The following ATRN variants were observed in gnomAD, a reference collection of about 807,000 sequenced individuals.
ATRN encodes attractin.
A neutral mutation model predicts 178.7 loss-of-function variants in ATRN; 54 were observed. The ratio of observed to expected loss-of-function variants is 0.30; its 90% CI spans 0.24 to 0.38. The LOEUF is 0.38. Among genes scored for constraint, ATRN ranks in the 10% least tolerant of loss-of-function variants. The pLI, the probability that ATRN is intolerant of heterozygous loss-of-function variation, is 1.00. For synonymous variants in ATRN, 636 were observed against 663.0 expected (o/e 0.96, Z 0.63); for missense variants, 1,443 against 1,815.1 (o/e 0.79, Z 3.73).
At chr20:3,621,217 A>T (rs1026657005) in intron 24 of ATRN, among the ~76,000 whole-genome samples, 1 of 152,146 alleles carries the variant, frequency 6.6e-6, no homozygotes, top group Non-Finnish European at 1.5e-5. Flanking sequence ...GGAGGCAGTG[A>T]TGTGCTGAGC....
chr20:3,502,955 T>C (rs2084984771), intron 1 of ATRN, among the ~76,000 whole-genome samples: 1 of 152,138 alleles, frequency 6.6e-6, no homozygotes, highest in African/African-American at 2.4e-5. Flanking sequence ...GAAGACCTCT[T>C]TGTCTCTGTG....
chr20:3,631,466 A>G (rs1390537039), intron 25 of ATRN, among the ~76,000 whole-genome samples: 2 of 115,556 alleles, frequency 1.7e-5, no homozygotes, highest in African/African-American at 8.9e-5. Flanking sequence ...GTCCTGACAC[A>G]GTCTGTTGAG....
At chr20:3,510,215 C>A (rs1464755909) in intron 1 of ATRN, among the ~76,000 whole-genome samples, 1 of 152,188 alleles carries the variant, frequency 6.6e-6, no homozygotes, top group Non-Finnish European at 1.5e-5. Flanking sequence ...GTACAGGATC[C>A]AGTCTAGGGT....
At chr20:3,486,827 T>A (rs969473356) in intron 1 of ATRN, among the ~76,000 whole-genome samples, 2 of 152,232 alleles carry the variant, frequency 1.3e-5, no homozygotes, top group Non-Finnish European at 2.9e-5. Context: ...TTGCTCAGTG[T>A]ATGTGCATTC....
In ATRN at chr20:3,572,764, C is replaced by T. The variant is rs1444162467; in HGVS notation, c.1905C>T (p.Leu635=). Reference sequence around the variant, plus strand: ...ATGTGTTCGGTGGTTTCAATAGTCTCCTCCTCAGCGACATCCTGGTATTCA... The same window carrying T: ...ATGTGTTCGGTGGTTTCAATAGTCTTCTCCTCAGCGACATCCTGGTATTCA... ...TMYVFGGFNS[L]LLSDILVFTS... is the part of the protein sequence containing the mutation. The change falls in exon 12 of 29, where the codon CTC becomes CTT. Residue 635 remains leucine (L), a synonymous_variant. Coordinates refer to ENST00000262919, the MANE Select transcript of ATRN (RefSeq NM_139321.3). 1.9e-6 allele frequency: 3 copies of T among 1,614,004 alleles called. No homozygotes were observed. Among genetic ancestry groups the T allele is most frequent in the Non-Finnish European group, 1.7e-6 (2 of 1,180,010 alleles).
chr20:3,567,576 T>G (rs935566281), intron 11 of ATRN, among the ~76,000 whole-genome samples: 2 of 152,190 alleles, frequency 1.3e-5, no homozygotes. Context: ...CAGGAGACCC[T>G]GAGGGAGGCC....
At chr20:3,628,705 G>A (rs2086964588) in intron 25 of ATRN, among the ~76,000 whole-genome samples, 1 of 151,698 alleles carries the variant, frequency 6.6e-6, no homozygotes, top group Non-Finnish European at 1.5e-5. Flanking sequence ...GATTAAGCAG[G>A]ACACTATATT....
intron 1 of ATRN, among the ~76,000 whole-genome samples, chr20:3,524,045 A>G (rs1338568004): frequency 1.3e-5 from 2 of 152,180 alleles, no homozygotes; most frequent in Non-Finnish European, 2.9e-5. Context: ...CATAATGACA[A>G]GATCAGATTC....
Position 3,564,141 on chromosome 20 carries a change from C to A in ATRN, c.1786+778C>A, listed in dbSNP as rs185986055. Among the ~76,000 whole-genome samples, 1,100 of 152,300 alleles carry A rather than the reference C, an allele frequency of 7.2e-3. 6 individuals carry two copies. The highest frequency in any genetic ancestry group is 8.7e-3 in the Non-Finnish European group (593 of 68,038). ...TTTTAACAGACATTTGTGTGCCAGC[C>A]ACTCAGTTTGTACATTGAGGAGATC... On this transcript the variant is annotated intron_variant, in intron 10 of 28. Transcript: ENST00000262919.
intron 27 of ATRN, among the ~76,000 whole-genome samples, chr20:3,643,437 G>T (rs2087083964): frequency 6.6e-6 from 1 of 151,924 alleles, no homozygotes; most frequent in Admixed American, 6.6e-5. Flanking sequence ...AGGCTGAGGT[G>T]GGAGGATCGC....
intron 1 of ATRN, among the ~76,000 whole-genome samples, chr20:3,515,386 G>A (rs1015658569): frequency 4.6e-5 from 7 of 152,148 alleles, no homozygotes; most frequent in East Asian, 3.9e-4. Flanking sequence ...GTAGAGAAGC[G>A]AGGCTACTTT....
At chr20:3,481,381 C>T (rs1462491345) in intron 1 of ATRN, among the ~76,000 whole-genome samples, 3 of 152,156 alleles carry the variant, frequency 2.0e-5, no homozygotes, top group African/African-American at 7.2e-5. Flanking sequence ...TACCCTGTCA[C>T]CCGTGCTGAA....
chr20:3,475,270 G>A (rs963084861), intron 1 of ATRN, among the ~76,000 whole-genome samples: 1 of 152,072 alleles, frequency 6.6e-6, no homozygotes, highest in African/African-American at 2.4e-5. Context: ...TTCATTAATT[G>A]AAGGGAACGT....
chr20:3,572,837 G>T lies in ATRN; in HGVS notation c.1978G>T (p.Ala660Ser). Residue 660 changes from alanine to serine, a missense_variant, in exon 12 of 29, where the codon GCA (alanine) becomes TCA (serine). This residue lies in a region of ATRN where 862 missense variants were observed against 972.1 expected (regional missense o/e 0.89). Coordinates refer to ENST00000262919, the MANE Select transcript of ATRN (RefSeq NM_139321.3). ...TCGGAGTGAAGCCGCTTGTTTAGCA[G>T]CAGGACCTGGTATTCGGTGTGTGTG... ...AHRSEAACLA[A>S]GPGIRCVWNT... is the part of the protein sequence containing the mutation. 5.0e-6 allele frequency: 8 copies of T among 1,613,774 alleles called. No individual in the cohort carries two copies. Among genetic ancestry groups the T allele is most frequent in the Non-Finnish European group, 6.8e-6 (8 of 1,179,952 alleles).
At chr20:3,621,054 A>G (rs986389183) in intron 24 of ATRN, among the ~76,000 whole-genome samples, 1 of 152,092 alleles carries the variant, frequency 6.6e-6, no homozygotes, top group Non-Finnish European at 1.5e-5. Context: ...GCCAAAGACA[A>G]TTCTTCCAGT....
intron 24 of ATRN, among the ~76,000 whole-genome samples, chr20:3,614,442 T>C (rs775811703): frequency 1.2e-4 from 18 of 152,200 alleles, no homozygotes; most frequent in Non-Finnish European, 2.5e-4. Context: ...GTCTGCGTGC[T>C]GGGTGTTTCA....
intron 1 of ATRN, among the ~76,000 whole-genome samples, chr20:3,504,871 C>G (rs1317305987): frequency 6.6e-6 from 1 of 151,988 alleles, no homozygotes; most frequent in East Asian, 1.9e-4. Flanking sequence ...GGTTTCCACA[C>G]TTTGTTCAAA....
intron 1 of ATRN, among the ~76,000 whole-genome samples, chr20:3,487,015 C>T (rs1568682286): frequency 6.6e-6 from 1 of 151,976 alleles, no homozygotes; most frequent in Non-Finnish European, 1.5e-5. Context: ...ATCTATTTCC[C>T]TCTGTTGCAT....
At chr20:3,626,806 T>G (rs1233413722) in intron 25 of ATRN, among the ~76,000 whole-genome samples, 2 of 114,360 alleles carry the variant, frequency 1.7e-5, no homozygotes, top group African/African-American at 8.4e-5. Flanking sequence ...TTTTTGAAAC[T>G]TAGTCTCTCT....
Sources: gnomAD v4.1 joint callset for allele counts (sites outside exome capture counted in the v4.1 genomes callset) on GRCh38, gnomAD v4.1.1 for gene constraint, gnomAD v4.1.1 regional missense constraint, MANE v1.5 for transcripts, NCBI Gene and HGNC (gene_info 2026-07-23, HGNC 2026-07-21) for gene names.